Variants in CCDC170 observed in about 807,000 individuals in gnomAD.
CCDC170 encodes the protein coiled-coil domain-containing protein 170.
CCDC170 carries 69 observed loss-of-function variants against 72.6 expected under a neutral mutation model. That is an observed-to-expected ratio of 0.95 (90% confidence interval 0.78 to 1.16). The LOEUF is 1.16. Among genes scored for constraint, CCDC170 ranks in the 50% most tolerant of loss-of-function variants. The probability of loss-of-function intolerance (pLI) is 0.00; values close to 1 mark genes in which losing one functional copy is unlikely to be tolerated. For synonymous variants in CCDC170, 300 were observed against 303.9 expected, an observed-to-expected ratio of 0.99 and a Z score of 0.13; for missense variants, 852 against 832.5, an observed-to-expected ratio of 1.02 and a Z score of -0.29.
chr6:151,554,647 C>G (rs570033567), intron 5 of CCDC170, among the ~76,000 whole-genome samples: 2 of 152,026 alleles, frequency 1.3e-5, no homozygotes, highest in East Asian at 2.0e-4. Context: ...TCGCTTGAAC[C>G]TGGGAGGCAG....
chr6:151,593,243 T>C lies in CCDC170; in HGVS notation c.1430T>C (p.Ile477Thr), dbSNP rs376131328. ...GTTCGTCTTGAGAGCAATGCAGTCA[T>C]TGAGAACAAGACCATTGCCCACAAT... ...QLVRLESNAVIENKTIAHNLQ... is the reference protein window; with the variant it reads ...QLVRLESNAVTENKTIAHNLQ... Residue 477 changes from isoleucine to threonine, a missense_variant, in exon 8 of 11, where the codon ATT becomes ACT. Coordinates refer to ENST00000239374, the MANE Select transcript of CCDC170 (RefSeq NM_025059.4). 6.2e-7 allele frequency: 1 copy of C among 1,614,158 alleles called. No individual in the cohort carries two copies. The highest frequency in any genetic ancestry group is 2.2e-5 in the East Asian group (1 of 44,872).
At chr6:151,579,455 C>G (rs1433745863) in intron 6 of CCDC170, among the ~76,000 whole-genome samples, 1 of 152,210 alleles carries the variant, frequency 6.6e-6, no homozygotes, top group African/African-American at 2.4e-5. Context: ...CAGGAGGGCT[C>G]TCAGCTGTTT....
chr6:151,579,988 A>G (rs1583035752), intron 6 of CCDC170, among the ~76,000 whole-genome samples: 1 of 152,358 alleles, frequency 6.6e-6, no homozygotes, highest in East Asian at 1.9e-4. Flanking sequence ...ATCTGACTCC[A>G]AAGCCTCCGT....
Position 151,593,191 on chromosome 6 carries a change from G to C in CCDC170, c.1378G>C (p.Val460Leu). 1 of 1,614,178 alleles carries C rather than the reference G, an allele frequency of 6.2e-7. No homozygotes were observed. Among genetic ancestry groups the C allele is most frequent in the Non-Finnish European group, 8.5e-7 (1 of 1,180,038 alleles). Residue 460 changes from valine (V) to leucine (L), a missense_variant, in exon 8 of 11, where the codon GTG (valine) becomes CTG (leucine). Coordinates refer to ENST00000239374, the MANE Select transcript of CCDC170 (RefSeq NM_025059.4). ...AELGFDMRLD[V>L]VLARTEQLVR... ...ACTTGGCTTTGACATGCGGCTGGAC[G>C]TGGTTTTAGCTCGAACAGAGCAGCT...
At chr6:151,495,077 G>A (rs181125390) in intron 1 of CCDC170, among the ~76,000 whole-genome samples, 52 of 152,302 alleles carry the variant, frequency 3.4e-4, no homozygotes, top group Admixed American at 2.5e-3. Context: ...ACTGACCATA[G>A]ATATCCCTGG....
At chr6:151,494,318 C>CGTGGGCAGAATCA (rs1554353322) in intron 1 of CCDC170, 133 bp downstream of exon 1, 2 of 977,012 alleles carry the variant, frequency 2.0e-6, no homozygotes, top group Non-Finnish European at 2.8e-6. Flanking sequence ...TCTGTGCCCG[C>CGTGGGCAGAATCA]GAGGGCTGTG....
At chr6:151,527,401 G>T (rs944739789) in intron 1 of CCDC170, among the ~76,000 whole-genome samples, 3 of 152,086 alleles carry the variant, frequency 2.0e-5, no homozygotes, top group African/African-American at 7.2e-5. Flanking sequence ...TCCTCTGCAG[G>T]CTCTAGTGGG....
chr6:151,570,840 C>T (rs867799653), intron 5 of CCDC170, among the ~76,000 whole-genome samples: 4 of 152,030 alleles, frequency 2.6e-5, no homozygotes, highest in African/African-American at 7.2e-5. Flanking sequence ...TTTTAAGGAC[C>T]GTCATTTAAT....
At position 151,619,327 on chromosome 6, in the gene CCDC170, C is replaced by T. The variant is rs548825770; in HGVS notation, c.*1180C>T. The T allele has an allele frequency of 1.3e-5, 2 of 152,264 alleles. No homozygotes were observed. Among genetic ancestry groups the T allele is most frequent in the African/African-American group, 4.8e-5 (2 of 41,556 alleles). The allele number at this position is 152,264 out of a possible 1,614,324, so 9.4% of individuals were successfully genotyped here. On this transcript the variant is annotated 3_prime_UTR_variant, in exon 11 of 11. Coordinates refer to ENST00000239374, the MANE Select transcript of CCDC170 (RefSeq NM_025059.4). ...TCCAATACACCCACAGCAATGGTAC[C>T]TTTTTAAGATCAGGATTTTATTATG...
chr6:151,561,757 C>T (rs962407976), intron 5 of CCDC170, among the ~76,000 whole-genome samples: 40 of 152,092 alleles, frequency 2.6e-4, no homozygotes, highest in African/African-American at 9.4e-4. Flanking sequence ...ATGTCAACCT[C>T]TTTAGCAAGA....
chr6:151,608,651 TGG>T (rs1776821446), intron 9 of CCDC170, among the ~76,000 whole-genome samples: 1 of 152,150 alleles, frequency 6.6e-6, no homozygotes, highest in Admixed American at 6.5e-5. Context: ...GTGGCTTTGC[TGG>T]GGATGGAGAT....
At chr6:151,533,052 C>A (rs1446194356) in intron 1 of CCDC170, among the ~76,000 whole-genome samples, 1 of 118,042 alleles carries the variant, frequency 8.5e-6, no homozygotes, top group East Asian at 2.2e-4. Flanking sequence ...GACTATTTCT[C>A]TTTTTTTTTT....
At chr6:151,580,775 C>T (rs1334030800) in intron 6 of CCDC170, among the ~76,000 whole-genome samples, 3 of 152,004 alleles carry the variant, frequency 2.0e-5, no homozygotes, top group Non-Finnish European at 4.4e-5. Flanking sequence ...TAACCTTCCT[C>T]ATGTAGCACT....
chr6:151,611,088 C>T (rs1300484430), intron 9 of CCDC170, among the ~76,000 whole-genome samples: 1 of 152,004 alleles, frequency 6.6e-6, no homozygotes, highest in African/African-American at 2.4e-5. Flanking sequence ...ACATCTTGGC[C>T]AACATGGTGA....
At chr6:151,517,539 T>A (rs1444581480) in intron 1 of CCDC170, among the ~76,000 whole-genome samples, 2 of 151,476 alleles carry the variant, frequency 1.3e-5, no homozygotes, top group African/African-American at 2.4e-5. Context: ...TTCAAGCAAT[T>A]CTCCTGCCTC....
intron 5 of CCDC170, among the ~76,000 whole-genome samples, chr6:151,569,475 A>C (rs1776188155): frequency 6.6e-6 from 1 of 152,244 alleles, no homozygotes; most frequent in Admixed American, 6.5e-5. Context: ...AAAATTTTTT[A>C]AGTGATCCCC....
chr6:151,531,076 T>C (rs1782484457), intron 1 of CCDC170, among the ~76,000 whole-genome samples: 2 of 152,220 alleles, frequency 1.3e-5, no homozygotes, highest in African/African-American at 4.8e-5. Flanking sequence ...CTTGCATTGC[T>C]TTTGTGCTTA....
At chr6:151,575,521 C>CTTT (rs1321279603) in intron 6 of CCDC170, among the ~76,000 whole-genome samples, 1 of 72,210 alleles carries the variant, frequency 1.4e-5, no homozygotes, top group East Asian at 4.6e-4. Flanking sequence ...CTTTTCTTTT[C>CTTT]TTTCTTTTTT....
At chr6:151,527,271 T>C (rs1213397490) in intron 1 of CCDC170, among the ~76,000 whole-genome samples, 1 of 152,044 alleles carries the variant, frequency 6.6e-6, no homozygotes, top group Non-Finnish European at 1.5e-5. Flanking sequence ...AAAAACAATA[T>C]GATCAGTTTT....
Sources: gnomAD v4.1 joint callset for allele counts (sites outside exome capture counted in the v4.1 genomes callset) on GRCh38, gnomAD v4.1.1 for gene constraint, MANE v1.5 for transcripts, NCBI Gene and HGNC (gene_info 2026-07-23, HGNC 2026-07-21) for gene names.